Variants in CTSD observed in about 807,000 individuals in gnomAD.
The protein encoded by CTSD is cathepsin D.
Under a neutral mutation model 43.6 loss-of-function variants are expected in CTSD, and 28 were observed. The ratio of observed to expected loss-of-function variants is 0.64; its 90% CI spans 0.48 to 0.88. The LOEUF is 0.88. Among genes scored for constraint, CTSD ranks in the 40% least tolerant of loss-of-function variants. CTSD has a pLI of 0.00. For synonymous variants in CTSD, 270 were observed against 249.8 expected (o/e 1.08, Z -0.76); for missense variants, 485 against 555.2 (o/e 0.87, Z 1.27).
chr11:1,761,496 G>A, intron 1 of CTSD, 28 bp from the exon 2 acceptor site: 1 of 1,613,280 alleles, frequency 6.2e-7, no homozygotes, highest in Non-Finnish European at 8.5e-7. Context: ...GGGCATATCA[G>A]GGAGGCCCTC....
chr11:1,756,769 C>A (rs1041331020), intron 5 of CTSD, among the ~76,000 whole-genome samples: 4 of 152,174 alleles, frequency 2.6e-5, no homozygotes, highest in Admixed American at 1.3e-4. Flanking sequence ...GGGGGAGAAC[C>A]CTTTTCCCAG....
chr11:1,759,423 G>T, intron 3 of CTSD, 93 bp downstream of exon 3: 1 of 1,567,030 alleles, frequency 6.4e-7, no homozygotes. Flanking sequence ...AGAGGCAGGA[G>T]AATTGCGTTG....
intron 2 of CTSD, 184 bp downstream of exon 2, chr11:1,761,125 G>A: frequency 1.5e-6 from 1 of 669,780 alleles, no homozygotes; most frequent in South Asian, 1.7e-5. Flanking sequence ...CAATGACAGG[G>A]GCCAGTGGCA....
chr11:1,758,280 C>T (rs560929439), intron 4 of CTSD, among the ~76,000 whole-genome samples: 1 of 152,276 alleles, frequency 6.6e-6, no homozygotes, highest in East Asian at 1.9e-4. Context: ...CAGGGGGGCT[C>T]TGCTGCCCTC....
rs771305068 is a variant in CTSD at position 1,753,910 on chromosome 11, G to C, written c.973-9C>G. ...TCACAGGGGATCATGTACTAAGAGG[G>C]GTCACAGCAGTGTCAGGGTGGTAGT... On this transcript the variant is annotated splice_polypyrimidine_tract_variant and intron_variant, in intron 7 of 8. Transcript: ENST00000236671. The C allele has an allele frequency of 6.2e-7, 1 of 1,612,852 alleles. No homozygotes were observed. The highest frequency in any genetic ancestry group is 1.3e-5 in the African/African-American group (1 of 74,898).
chr11:1,755,609 T>G (rs569353833), intron 5 of CTSD, among the ~76,000 whole-genome samples: 321 of 152,258 alleles, frequency 2.1e-3, no homozygotes, highest in African/African-American at 7.5e-3. Flanking sequence ...CTGCAACCCA[T>G]GTCGCCCGGG....
chr11:1,757,828 C>T (rs748957566), intron 4 of CTSD: 17 of 527,018 alleles, frequency 3.2e-5, no homozygotes, highest in African/African-American at 5.7e-5. Flanking sequence ...CCCCTTGCTC[C>T]GCTCCCTGCT....
chr11:1,754,736 TGGAGGGGCAA>T (rs533884513), intron 6 of CTSD, among the ~76,000 whole-genome samples, 160 bp downstream of exon 6: 32 of 144,868 alleles, frequency 2.2e-4, no homozygotes, highest in African/African-American at 7.4e-4. Flanking sequence ...ATGGGGAGCA[TGGAGGGGCAA>T]GGAGGGGCAT....
intron 6 of CTSD, among the ~76,000 whole-genome samples, 173 bp downstream of exon 6, chr11:1,754,733 G>A (rs950160628): frequency 6.6e-6 from 1 of 150,968 alleles, no homozygotes; most frequent in Non-Finnish European, 1.5e-5. Context: ...GTGATGGGGA[G>A]CATGGAGGGG....
At chr11:1,757,648 G>A in intron 4 of CTSD, 92 bp from the exon 5 acceptor site, 6 of 1,056,708 alleles carry the variant, frequency 5.7e-6, no homozygotes, top group Non-Finnish European at 8.5e-6. Flanking sequence ...TTCAATGGAT[G>A]CCCATCCCAC....
intron 1 of CTSD, chr11:1,762,472 A>C (rs532029383): frequency 6.6e-6 from 1 of 152,196 alleles, no homozygotes; most frequent in African/African-American, 2.4e-5. Flanking sequence ...TCCCTGCCCC[A>C]GGGACTTGAG....
chr11:1,754,083 C>A lies in CTSD; in HGVS notation c.883G>T (p.Asp295Tyr). 1 of 1,611,636 alleles carries A rather than the reference C, an allele frequency of 6.2e-7. No individual in the cohort carries two copies. The highest frequency in any genetic ancestry group is 8.5e-7 in the Non-Finnish European group (1 of 1,179,766). ...CCCACCATGAGGGAAGTGCCTGTGT[C>A]CACAATGGCCTCACAGCCCTCCTTG... ...LCKEGCEAIV[D>Y]TGTSLMVGPV... Residue 295 changes from aspartate to tyrosine, a missense_variant, in exon 7 of 9, where the codon GAC becomes TAC. Coordinates refer to ENST00000236671, the MANE Select transcript of CTSD (RefSeq NM_001909.5).
chr11:1,757,065 A>G (rs1316738134), intron 5 of CTSD, among the ~76,000 whole-genome samples: 1 of 152,190 alleles, frequency 6.6e-6, no homozygotes, highest in Non-Finnish European at 1.5e-5. Context: ...CCCAGCTGCC[A>G]AGGTCCCAGG....
intron 6 of CTSD, 62 bp from the exon 7 acceptor site, chr11:1,754,200 C>A (rs1239801535): frequency 6.4e-7 from 1 of 1,566,100 alleles, no homozygotes; most frequent in Admixed American, 1.8e-5. Flanking sequence ...GGGCCCAGTG[C>A]CCCTCCCTGG....
At chr11:1,756,726 C>T (rs894105888) in intron 5 of CTSD, among the ~76,000 whole-genome samples, 8 of 152,300 alleles carry the variant, frequency 5.3e-5, no homozygotes, top group Non-Finnish European at 1.0e-4. Flanking sequence ...ATGGGTCACC[C>T]AAGCTGGAGC....
At chr11:1,755,292 A>C in intron 5 of CTSD, 1 of 523,030 alleles carries the variant, frequency 1.9e-6, no homozygotes, top group Non-Finnish European at 3.5e-6. Flanking sequence ...CTCAGGAGCC[A>C]AGGTTCAGCC....
At chr11:1,762,106 C>T (rs1845885975) in intron 1 of CTSD, 2 of 167,878 alleles carry the variant, frequency 1.2e-5, no homozygotes, top group Non-Finnish European at 2.6e-5. Context: ...GTGCCCTCAT[C>T]CCACATCTGT....
intron 5 of CTSD, chr11:1,755,459 G>A (rs919515868): frequency 1.5e-5 from 5 of 329,484 alleles, no homozygotes; most frequent in Admixed American, 4.1e-5. Context: ...GGTTCTGGCC[G>A]CAGGGCCTCT....
Position 1,755,007 on chromosome 11 carries a change from C to T in CTSD, c.726G>A (p.Gly242=), listed in dbSNP as rs774246142. The change falls in exon 6 of 9, where the codon GGG becomes GGA. Residue 242 remains glycine (G), a synonymous_variant. Coordinates refer to ENST00000236671, the MANE Select transcript of CTSD (RefSeq NM_001909.5). ...CTGTGCCACCCAGCATCAGCTCACC[C>T]CCAGGCTGCGCATCTGGGTCCCTAG... ...YLSRDPDAQP[G]GELMLGGTDS... is the part of the protein sequence containing the mutation. 6.0e-5 allele frequency: 97 copies of T among 1,613,804 alleles called. No homozygotes were observed. Among genetic ancestry groups the T allele is most frequent in the Non-Finnish European group, 7.9e-5 (93 of 1,179,924 alleles).
Sources: gnomAD v4.1 joint callset for allele counts (sites outside exome capture counted in the v4.1 genomes callset) on GRCh38, gnomAD v4.1.1 for gene constraint, MANE v1.5 for transcripts, NCBI Gene and HGNC (gene_info 2026-07-23, HGNC 2026-07-21) for gene names.